The following COL21A1 variants were observed in gnomAD, a reference collection of about 807,000 sequenced individuals.
COL21A1 encodes collagen type XXI alpha 1 chain.
Under a neutral mutation model 137.9 loss-of-function variants are expected in COL21A1, and 149 were observed. The observed-to-expected ratio is 1.08, with a 90% confidence interval of 0.95 to 1.24. COL21A1 has a LOEUF of 1.24. COL21A1 is among the 50% of genes most tolerant of loss of function. The pLI is 0.00. For missense variants in COL21A1, 1,167 were observed against 1,158.4 expected (o/e 1.01, Z -0.11); for synonymous variants, 456 against 391.5 (o/e 1.16, Z -1.95).
At chr6:56,081,198 T>G (rs1385529497) in intron 17 of COL21A1, among the ~76,000 whole-genome samples, 1 of 151,902 alleles carries the variant, frequency 6.6e-6, no homozygotes, top group Non-Finnish European at 1.5e-5. Context: ...CTTTTTTCCA[T>G]GTCTCTACGT....
intron 1 of COL21A1, among the ~76,000 whole-genome samples, chr6:56,377,685 G>T (rs1347774135): frequency 6.6e-6 from 1 of 152,080 alleles, no homozygotes; most frequent in Non-Finnish European, 1.5e-5. Flanking sequence ...GGGCTGAACT[G>T]GGCCCAGAGA....
chr6:56,158,377 ATCCT>A (rs1775949119), intron 9 of COL21A1, among the ~76,000 whole-genome samples: 1 of 139,464 alleles, frequency 7.2e-6, no homozygotes, highest in Admixed American at 7.8e-5. Flanking sequence ...GGCTCAAGTG[ATCCT>A]TCCACCTCAG....
chr6:56,288,410 C>G (rs560127455), intron 1 of COL21A1, among the ~76,000 whole-genome samples: 1 of 151,860 alleles, frequency 6.6e-6, no homozygotes, highest in Non-Finnish European at 1.5e-5. Context: ...ACAATTATAG[C>G]GAAATCATAA....
chr6:56,357,303 T>G (rs567868738), intron 1 of COL21A1, among the ~76,000 whole-genome samples: 10 of 152,210 alleles, frequency 6.6e-5, no homozygotes, highest in Non-Finnish European at 1.5e-4. Flanking sequence ...GTCTGACATC[T>G]CCAAAATGGA....
chr6:56,267,814 T>G (rs1763428805), intron 1 of COL21A1, among the ~76,000 whole-genome samples: 1 of 150,708 alleles, frequency 6.6e-6, no homozygotes, highest in African/African-American at 2.4e-5. Flanking sequence ...CTAAGAAGAT[T>G]TCTTATTTGC....
intron 29 of COL21A1, 59 bp from the exon 30 acceptor site, chr6:56,057,903 G>A: frequency 8.6e-7 from 1 of 1,164,330 alleles, no homozygotes; most frequent in Non-Finnish European, 1.2e-6. Context: ...TAATGAAATA[G>A]CCAATTCTGC....
intron 1 of COL21A1, among the ~76,000 whole-genome samples, chr6:56,242,266 CATAAAAAT>C (rs1782373305): frequency 6.6e-6 from 1 of 152,024 alleles, no homozygotes; most frequent in Admixed American, 6.6e-5. Flanking sequence ...TAAAGGTTCT[CATAAAAAT>C]ATAAAAATAA....
chr6:56,279,200 C>T (rs1011830916), intron 1 of COL21A1, among the ~76,000 whole-genome samples: 1 of 152,104 alleles, frequency 6.6e-6, no homozygotes, highest in Non-Finnish European at 1.5e-5. Flanking sequence ...GTTCTTGCTG[C>T]ACCTGCCATA....
intron 16 of COL21A1, among the ~76,000 whole-genome samples, chr6:56,118,856 A>C (rs1362684508): frequency 3.3e-5 from 5 of 152,114 alleles, no homozygotes; most frequent in Non-Finnish European, 7.4e-5. Context: ...ATGCTGACAA[A>C]GCATTTGATA....
chr6:56,150,384 G>A (rs1367039028), intron 10 of COL21A1, among the ~76,000 whole-genome samples: 1 of 152,172 alleles, frequency 6.6e-6, no homozygotes, highest in Non-Finnish European at 1.5e-5. Context: ...AGGGCGTGGT[G>A]GCGGGCGCTT....
chr6:56,091,927 TC>T, intron 17 of COL21A1, among the ~76,000 whole-genome samples: 1 of 152,162 alleles, frequency 6.6e-6, no homozygotes, highest in Non-Finnish European at 1.5e-5. Context: ...TGCTCTGTCC[TC>T]ACCATCCACC....
intron 1 of COL21A1, among the ~76,000 whole-genome samples, chr6:56,356,706 G>A (rs546054119): frequency 5.3e-5 from 8 of 152,248 alleles, no homozygotes; most frequent in African/African-American, 1.9e-4. Flanking sequence ...ATTTCCTGCT[G>A]TGAAGCACTT....
At chr6:56,179,367 T>C (rs1325521265) in intron 3 of COL21A1, among the ~76,000 whole-genome samples, 2 of 152,254 alleles carry the variant, frequency 1.3e-5, no homozygotes, top group African/African-American at 4.8e-5. Context: ...AACTTATTTC[T>C]AAAAACCAAA....
intron 17 of COL21A1, among the ~76,000 whole-genome samples, chr6:56,095,147 A>G (rs1168415172): frequency 6.6e-6 from 1 of 152,118 alleles, no homozygotes; most frequent in Non-Finnish European, 1.5e-5. Context: ...TTATTTTCTA[A>G]TTATCCCAAA....
chr6:56,084,904 A>T (rs1353523109), intron 17 of COL21A1, among the ~76,000 whole-genome samples: 1 of 152,088 alleles, frequency 6.6e-6, no homozygotes, highest in Admixed American at 6.6e-5. Context: ...CCTGTGTAAC[A>T]CATTTGCTAA....
intron 1 of COL21A1, among the ~76,000 whole-genome samples, chr6:56,366,570 C>A (rs1340072130): frequency 6.6e-6 from 1 of 152,214 alleles, no homozygotes; most frequent in Non-Finnish European, 1.5e-5. Flanking sequence ...AGTCATATTT[C>A]TCTCTTCTCT....
At chr6:56,253,561 T>C (rs1782902864) in intron 1 of COL21A1, among the ~76,000 whole-genome samples, 1 of 152,094 alleles carries the variant, frequency 6.6e-6, no homozygotes, top group Non-Finnish European at 1.5e-5. Context: ...ATCATTAGAG[T>C]AGCTACATCC....
At chr6:56,106,245 C>T (rs1040988059) in intron 16 of COL21A1, among the ~76,000 whole-genome samples, 3 of 152,192 alleles carry the variant, frequency 2.0e-5, no homozygotes, top group Non-Finnish European at 2.9e-5. Context: ...ACCAAACCAA[C>T]ACACTTACCT....
At chr6:56,218,289 G>T in intron 1 of COL21A1, among the ~76,000 whole-genome samples, 1 of 130,636 alleles carries the variant, frequency 7.7e-6, no homozygotes, top group Non-Finnish European at 1.7e-5. Flanking sequence ...AAAAGTATAT[G>T]GCTTTGTAAA....
Sources: gnomAD v4.1 joint callset for allele counts (sites outside exome capture counted in the v4.1 genomes callset) on GRCh38, gnomAD v4.1.1 for gene constraint, MANE v1.5 for transcripts, NCBI Gene and HGNC (gene_info 2026-07-23, HGNC 2026-07-21) for gene names.